Variants in SGPP2 observed in about 807,000 individuals in gnomAD.
SGPP2 encodes sphingosine 1-phosphate phosphohydrolase 2.
A neutral mutation model predicts 33.9 loss-of-function variants in SGPP2; 30 were observed. That is an observed-to-expected ratio of 0.89 (90% CI 0.66 to 1.20). The LOEUF (loss-of-function observed/expected upper bound fraction) is 1.20. Ranked by LOEUF, SGPP2 falls within the 50% of genes most tolerant of loss-of-function variation. The pLI is 0.00. For missense variants in SGPP2, 458 were observed against 532.1 expected (o/e 0.86, Z 1.37); for synonymous variants, 233 against 225.0 (o/e 1.04, Z -0.32).
At chr2:222,541,944 G>A (rs534724591) in intron 4 of SGPP2, among the ~76,000 whole-genome samples, 8 of 152,204 alleles carry the variant, frequency 5.3e-5, no homozygotes, top group Admixed American at 3.9e-4. Flanking sequence ...ATTAACCTGT[G>A]GTGTGCATAG....
chr2:222,544,673 T>C (rs1689147301), intron 4 of SGPP2, among the ~76,000 whole-genome samples: 1 of 152,222 alleles, frequency 6.6e-6, no homozygotes, highest in Non-Finnish European at 1.5e-5. Flanking sequence ...CATCCATTTT[T>C]CTTTCAAATA....
At chr2:222,446,561 A>G (rs932927704) in intron 1 of SGPP2, among the ~76,000 whole-genome samples, 4 of 152,242 alleles carry the variant, frequency 2.6e-5, no homozygotes, top group African/African-American at 4.8e-5. Context: ...TTTCTAATGT[A>G]TAAGTCCATC....
At position 222,560,378 on chromosome 2, in the gene SGPP2, A is replaced by C. The variant is rs1462599738; in HGVS notation, c.*1480A>C. ...TCTTCCCACCTCTTATCTCTTGGCA[A>C]TTTTAAGGGGAATTAATGCAAGAAC... On this transcript the variant is annotated 3_prime_UTR_variant, in exon 5 of 5. Coordinates refer to ENST00000321276, the MANE Select transcript of SGPP2 (RefSeq NM_152386.4). 4 of 152,136 alleles carry C rather than the reference A, an allele frequency of 2.6e-5. No homozygotes were observed. The highest frequency in any genetic ancestry group is 4.4e-5 in the Non-Finnish European group (3 of 68,022). The allele number at this position is 152,136 out of a possible 1,614,324, so 9.4% of individuals were successfully genotyped here.
chr2:222,441,582 A>G (rs561432694), intron 1 of SGPP2, among the ~76,000 whole-genome samples: 2 of 152,334 alleles, frequency 1.3e-5, no homozygotes, highest in South Asian at 4.1e-4. Flanking sequence ...GGAGTGATGA[A>G]CCAAATGTTT....
At chr2:222,445,640 G>T (rs551201520) in intron 1 of SGPP2, among the ~76,000 whole-genome samples, 1 of 152,258 alleles carries the variant, frequency 6.6e-6, no homozygotes, top group East Asian at 1.9e-4. Flanking sequence ...CAGAGGAGAG[G>T]CTCAGAATCA....
chr2:222,473,420 T>C (rs1697879495), intron 1 of SGPP2, among the ~76,000 whole-genome samples: 1 of 152,192 alleles, frequency 6.6e-6, no homozygotes, highest in Non-Finnish European at 1.5e-5. Context: ...CTCTGACCAT[T>C]CTGCCTCCTC....
rs146934977 is a variant in SGPP2 at position 222,461,705 on chromosome 2, G to A, written c.220-12863G>A. 3.4e-3 allele frequency among the ~76,000 whole-genome samples: 521 copies of A among 152,046 alleles called. 8 individuals are homozygous for A. The highest frequency in any genetic ancestry group is 4.2e-3 in the Non-Finnish European group (286 of 67,994). On this transcript the variant is annotated intron_variant, in intron 1 of 4. Coordinates refer to ENST00000321276, the MANE Select transcript of SGPP2 (RefSeq NM_152386.4). ...CCTCGCATGTGCAGTTCACAATAGG[G>A]TTTGTGCTCCTATGAGAATCTAACG...
upstream of SGPP2, among the ~76,000 whole-genome samples, chr2:222,424,256 G>C (rs537857788): frequency 1.9e-4 from 29 of 151,494 alleles, no homozygotes; most frequent in South Asian, 6.1e-3. Flanking sequence ...ACGTCTGCCG[G>C]GGGAAGAAGG....
intron 2 of SGPP2, chr2:222,504,607 T>C (rs545023529): frequency 6.6e-6 from 1 of 152,296 alleles, no homozygotes; most frequent in African/African-American, 2.4e-5. Context: ...CCATTTGATG[T>C]TGGGGGGATC....
chr2:222,455,968 A>C (rs1284963554), intron 1 of SGPP2, among the ~76,000 whole-genome samples: 1 of 151,994 alleles, frequency 6.6e-6, no homozygotes, highest in Non-Finnish European at 1.5e-5. Flanking sequence ...AGTCGCAGCA[A>C]CTTGGGAGGC....
intron 4 of SGPP2, among the ~76,000 whole-genome samples, chr2:222,554,949 A>G (rs1409782857): frequency 1.3e-5 from 2 of 152,198 alleles, no homozygotes; most frequent in Admixed American, 6.5e-5. Context: ...GACCCCCGCC[A>G]CGATAAAGAA....
chr2:222,533,755 A>T (rs952326534), intron 4 of SGPP2, among the ~76,000 whole-genome samples: 3 of 150,990 alleles, frequency 2.0e-5, no homozygotes, highest in Non-Finnish European at 2.9e-5. Flanking sequence ...TCGGTCTGCC[A>T]TCCTCCCTGA....
intron 2 of SGPP2, among the ~76,000 whole-genome samples, chr2:222,509,790 C>G (rs1698498504): frequency 6.6e-6 from 1 of 152,118 alleles, no homozygotes; most frequent in South Asian, 2.1e-4. Context: ...AATAGTCAAC[C>G]TTTTAAAGTA....
intron 2 of SGPP2, among the ~76,000 whole-genome samples, chr2:222,481,824 T>C (rs76061963): frequency 0.026 from 3,944 of 152,306 alleles, 171 homozygotes; most frequent in African/African-American, 0.09. Context: ...GAGTTTCTTC[T>C]TGATTTTTTT....
chr2:222,426,057 G>A (rs965632528), intron 1 of SGPP2, among the ~76,000 whole-genome samples: 3 of 151,550 alleles, frequency 2.0e-5, no homozygotes, highest in Non-Finnish European at 4.4e-5. Flanking sequence ...GGCAGAGTAG[G>A]GGGGATAAGA....
At chr2:222,452,781 C>A in intron 1 of SGPP2, 5 of 1,518,204 alleles carry the variant, frequency 3.3e-6, no homozygotes, top group Non-Finnish European at 4.6e-6. Context: ...AGAGTAGAGG[C>A]TGGGGTAGGT....
chr2:222,495,354 C>T (rs1343268552), intron 2 of SGPP2, among the ~76,000 whole-genome samples: 1 of 152,068 alleles, frequency 6.6e-6, no homozygotes, highest in African/African-American at 2.4e-5. Context: ...GTTGAGGCTG[C>T]AGTGAGCCAT....
intron 1 of SGPP2, among the ~76,000 whole-genome samples, chr2:222,442,748 C>T (rs1000581374): frequency 8.5e-5 from 13 of 152,204 alleles, no homozygotes; most frequent in Non-Finnish European, 1.9e-4. Flanking sequence ...AGTATTTGAA[C>T]TCTGAAGTAT....
rs1421299150 is a variant in SGPP2 at position 222,476,015 on chromosome 2, G to A, written c.378+1289G>A. Among the ~76,000 whole-genome samples, 1 of 152,216 alleles carries A rather than the reference G, an allele frequency of 6.6e-6. No homozygotes were observed. The highest frequency in any genetic ancestry group is 1.9e-4 in the East Asian group (1 of 5,198). ...TGATAACGCATAGTGACTGGTGCAT[G>A]AAGGCGAAGGAGTCTTGAAGATCAA... On this transcript the variant is annotated intron_variant, in intron 2 of 4. Coordinates refer to ENST00000321276, the MANE Select transcript of SGPP2 (RefSeq NM_152386.4). This position sits in a 1 kb window ranked among gnomAD's most constrained non-coding sequence, Gnocchi z 4.3.
Sources: gnomAD v4.1 joint callset for allele counts (sites outside exome capture counted in the v4.1 genomes callset) on GRCh38, gnomAD v4.1.1 for gene constraint, Gnocchi (gnomAD v3.1) non-coding constraint, MANE v1.5 for transcripts, NCBI Gene and HGNC (gene_info 2026-07-23, HGNC 2026-07-21) for gene names.